WDR91: variants seen among roughly 807,000 people sequenced by gnomAD.
WDR91 encodes the protein WD repeat domain 91, also known as WD repeat-containing protein 91.
A neutral mutation model predicts 88.4 loss-of-function variants in WDR91; 52 were observed. The ratio of observed to expected loss-of-function variants is 0.59; its 90% CI spans 0.47 to 0.74. The LOEUF (loss-of-function observed/expected upper bound fraction) is 0.74, where lower values mean the gene tolerates loss of function less well. Among genes scored for constraint, WDR91 ranks in the 30% least tolerant of loss-of-function variants. The pLI is 0.00. For missense variants in WDR91, 824 were observed against 954.5 expected (o/e 0.86, Z 1.80); for synonymous variants, 362 against 389.5 (o/e 0.93, Z 0.83).
In WDR91 at chr7:135,187,845, T is replaced by G. The variant is rs1831010666; in HGVS notation, c.1881+588A>C. ...TTCAAATGAAGAATTTATTTTGTAG[T>G]TACTCCTTTCAAGGGATAAAAAGAT... On this transcript the variant is annotated intron_variant, in intron 13 of 14. Transcript: ENST00000354475. 4.6e-5 allele frequency among the ~76,000 whole-genome samples: 7 copies of G among 152,266 alleles called. No homozygotes were observed. The South Asian group carries it at 1.5e-3, about 32-fold the overall frequency.
Position 135,204,346 on chromosome 7 carries a change from C to G in WDR91, c.813G>C (p.Lys271Asn). 6.2e-7 allele frequency: 1 copy of G among 1,614,174 alleles called. No homozygotes were observed. Among genetic ancestry groups the G allele is most frequent in the South Asian group, 1.1e-5 (1 of 91,086 alleles). The change falls in exon 6 of 15, where the codon AAG becomes AAC. Residue 271 changes from lysine to asparagine, a missense_variant. Physicochemically the swap from Lys to Asn is moderately conservative, Grantham distance 94. Transcript: ENST00000354475. Reference protein sequence around the residue: ...FLSSLLPQSKKSPSRLSPAQG... With the variant: ...FLSSLLPQSKNSPSRLSPAQG... ...GAGCAGGCGACAACCTTGAGGGGCT[C>G]TTCTTACTCTGAGGCAGCAGCGAGG...
chr7:135,198,240 G>C lies in WDR91; in HGVS notation c.892-89C>G, dbSNP rs75355232. 2.3e-5 allele frequency: 34 copies of C among 1,476,556 alleles called. No homozygotes were observed. The East Asian group carries it at 2.9e-4, about 13-fold the overall frequency. The allele number at this position is 1,476,556 out of a possible 1,614,324, so 91.5% of individuals were successfully genotyped here. On this transcript the variant is annotated intron_variant, in intron 6 of 14. Coordinates refer to ENST00000354475, the MANE Select transcript of WDR91 (RefSeq NM_014149.4). ...AGGAGTGGTCAGCCCTGGGCGGGGG[G>C]GCGTGGTGGGTTGGGGGCAGGTGGT...
intron 9 of WDR91, 66 bp downstream of exon 9, chr7:135,194,868 T>G: frequency 6.3e-7 from 1 of 1,587,888 alleles, no homozygotes. Flanking sequence ...ACTCAGCCGG[T>G]GGAGAACCCT....
At chr7:135,203,887 G>A (rs1421122636) in intron 6 of WDR91, among the ~76,000 whole-genome samples, 1 of 152,202 alleles carries the variant, frequency 6.6e-6, no homozygotes, top group Non-Finnish European at 1.5e-5. Flanking sequence ...CAGGAGACCT[G>A]GGTGTGAGGT....
Position 135,197,981 on chromosome 7 carries a change from A to G in WDR91, c.1050+12T>C. 1 of 1,613,014 alleles carries G rather than the reference A, an allele frequency of 6.2e-7. No homozygotes were observed. The highest frequency in any genetic ancestry group is 8.5e-7 in the Non-Finnish European group (1 of 1,179,154). On this transcript the variant is annotated intron_variant, in intron 7 of 14. Transcript: ENST00000354475. Reference sequence around the variant, plus strand: ...ATGAGTGTCCCCAGGGGTGTTCAGGACAACCCCATACCTGGGAAGTGGTTG... The same window carrying G: ...ATGAGTGTCCCCAGGGGTGTTCAGGGCAACCCCATACCTGGGAAGTGGTTG...
intron 11 of WDR91, 105 bp from the exon 12 acceptor site, chr7:135,189,557 C>A: frequency 1.2e-6 from 1 of 823,968 alleles, no homozygotes; most frequent in East Asian, 2.7e-5. Flanking sequence ...TCCACCAGCT[C>A]CTCCCTTATG....
In WDR91 at chr7:135,206,068, G is replaced by C. The variant is rs1269127461; in HGVS notation, c.595-10C>G. ...CTTGCAATGCAAAAAGCTATACAGGGGTGGGACTGAGTTAGCCAATGATCT... is the reference window on the plus strand; with the variant it reads ...CTTGCAATGCAAAAAGCTATACAGGCGTGGGACTGAGTTAGCCAATGATCT... On this transcript the variant is annotated splice_polypyrimidine_tract_variant and intron_variant, in intron 4 of 14. Coordinates refer to ENST00000354475, the MANE Select transcript of WDR91 (RefSeq NM_014149.4). 1.2e-6 allele frequency: 2 copies of C among 1,613,986 alleles called. No homozygotes were observed. Among genetic ancestry groups the C allele is most frequent in the African/African-American group, 2.7e-5 (2 of 74,896 alleles).
At chr7:135,187,252 A>C in intron 13 of WDR91, 83 bp from the exon 14 acceptor site, 1 of 1,439,274 alleles carries the variant, frequency 6.9e-7, no homozygotes, top group Non-Finnish European at 9.6e-7. Context: ...CCCACCCCAC[A>C]GCAGAGGCTG....
intron 11 of WDR91, among the ~76,000 whole-genome samples, chr7:135,190,129 G>A (rs1431160575): frequency 6.6e-6 from 1 of 152,136 alleles, no homozygotes; most frequent in Non-Finnish European, 1.5e-5. Flanking sequence ...CTTTCACTAT[G>A]GGGAATTAAT....
In WDR91 at chr7:135,196,968, G is replaced by A. The variant is rs961433315; in HGVS notation, c.1051-631C>T. The A allele has an allele frequency of 6.6e-6, 1 of 152,374 alleles. No individual in the cohort carries two copies. The highest frequency in any genetic ancestry group is 1.5e-5 in the Non-Finnish European group (1 of 68,188). The allele number at this position is 152,374 out of a possible 1,614,324, so 9.4% of individuals were successfully genotyped here. On this transcript the variant is annotated intron_variant, in intron 7 of 14. Transcript: ENST00000354475. This position sits in a 1 kb window ranked among gnomAD's most constrained non-coding sequence, Gnocchi z 4.2. ...GCCAGGAAGAAAGACAGAGACCCAA[G>A]GGCCACTGGGGGTCCAAGGCTGCCC...
chr7:135,211,105 G>A (rs947243307), intron 1 of WDR91, among the ~76,000 whole-genome samples: 5 of 152,200 alleles, frequency 3.3e-5, no homozygotes, highest in African/African-American at 1.2e-4. Context: ...TGGCCAAGGA[G>A]GCTGGAGTGG....
intron 6 of WDR91, among the ~76,000 whole-genome samples, chr7:135,203,277 T>G (rs1033199699): frequency 7.9e-5 from 12 of 152,278 alleles, no homozygotes; most frequent in Non-Finnish European, 1.5e-4. Flanking sequence ...CCTCCCTGGG[T>G]ACAGCGAGCA....
Position 135,196,328 on chromosome 7 carries a change from T to C in WDR91, c.1060A>G (p.Lys354Glu), listed in dbSNP as rs760340729. 39 of 1,559,032 alleles carry C rather than the reference T, an allele frequency of 2.5e-5. No homozygotes were observed. In the Middle Eastern group the frequency reaches 5.5e-4, roughly 22 times the overall value. Residue 354 changes from lysine to glutamate, a missense_variant, in exon 8 of 15, where the codon AAG becomes GAG. Transcript: ENST00000354475. This position sits in a 1 kb window ranked among gnomAD's most constrained non-coding sequence, Gnocchi z 4.2. ...TCTGGGCCACTGGCTTCTGGTTTCTTCTCTGCACACTGTCACAAGCAGGGT... is the reference window on the plus strand; with the variant it reads ...TCTGGGCCACTGGCTTCTGGTTTCTCCTCTGCACACTGTCACAAGCAGGGT... ...FSTTTSQCAE[K>E]KPEASGPEAE...
chr7:135,205,892 G>C, intron 5 of WDR91, 36 bp downstream of exon 5: 1 of 1,611,850 alleles, frequency 6.2e-7, no homozygotes, highest in Non-Finnish European at 8.5e-7. Context: ...GAGCACAGAG[G>C]GCAAAGAAAA....
chr7:135,208,134 GC>G (rs1469149047), intron 3 of WDR91, among the ~76,000 whole-genome samples: 4 of 152,172 alleles, frequency 2.6e-5, no homozygotes, highest in African/African-American at 9.7e-5. Flanking sequence ...TCACCAGCCA[GC>G]CCCATTCAAG....
At chr7:135,193,730 G>T in intron 9 of WDR91, 58 bp from the exon 10 acceptor site, 1 of 1,499,820 alleles carries the variant, frequency 6.7e-7, no homozygotes. Flanking sequence ...CTGAGTCAGG[G>T]AGGATCTCCA....
At chr7:135,190,396 T>TA (rs1831120472) in intron 11 of WDR91, among the ~76,000 whole-genome samples, 1 of 151,660 alleles carries the variant, frequency 6.6e-6, no homozygotes, top group Non-Finnish European at 1.5e-5. Flanking sequence ...TGGCAAAAAT[T>TA]AATGCAAATC....
intron 9 of WDR91, among the ~76,000 whole-genome samples, chr7:135,194,105 G>A (rs1831275010): frequency 6.6e-6 from 1 of 152,120 alleles, no homozygotes; most frequent in Non-Finnish European, 1.5e-5. Context: ...TCAGGGGACA[G>A]CTCTGGCTCT....
chr7:135,189,537 G>C, intron 11 of WDR91, 85 bp from the exon 12 acceptor site: 1 of 1,138,800 alleles, frequency 8.8e-7, no homozygotes, highest in Non-Finnish European at 1.3e-6. Context: ...AGGTGCCCCA[G>C]ACTGGGTTTT....
Sources: allele counts gnomAD v4.1 joint callset (sites outside exome capture counted in the v4.1 genomes callset), GRCh38; gene constraint gnomAD v4.1.1; non-coding constraint Gnocchi (gnomAD v3.1); transcripts MANE v1.5; gene names NCBI Gene and HGNC (gene_info 2026-07-23, HGNC 2026-07-21).